The following MSH4 variants were observed in gnomAD, a reference collection of about 807,000 sequenced individuals.
MSH4 encodes the protein mutS homolog 4.
In MSH4, 106 loss-of-function variants were observed where a neutral mutation model predicts 113.7. The ratio of observed to expected loss-of-function variants is 0.93; its 90% confidence interval spans 0.80 to 1.10. MSH4 has a LOEUF of 1.10. MSH4 is among the 50% of genes least tolerant of loss of function. MSH4 has a pLI of 0.00. For synonymous variants in MSH4, 368 were observed against 380.2 expected (o/e 0.97, Z 0.37); for missense variants, 1,061 against 1,093.7 (o/e 0.97, Z 0.42).
intron 4 of MSH4, 125 bp downstream of exon 4, chr1:75,810,932 C>T (rs796525652): frequency 6.8e-6 from 3 of 438,926 alleles, no homozygotes; most frequent in East Asian, 9.0e-5. Flanking sequence ...AGTGAAAGGG[C>T]GTGATCTCGG....
chr1:75,880,047 C>G lies in MSH4; in HGVS notation c.1678-3C>G. ...TGACATTTGTTTTTTAATCTCCAAG[C>G]AGATTTCTAAAGTGAAAAATTCTTA... On this transcript the variant is annotated splice_polypyrimidine_tract_variant and splice_region_variant and intron_variant, in intron 12 of 19. Transcript: ENST00000263187. 1.4e-6 allele frequency: 2 copies of G among 1,458,732 alleles called. No homozygotes were observed. Among genetic ancestry groups the G allele is most frequent in the Middle Eastern group, 1.8e-4 (1 of 5,700 alleles). The allele number at this position is 1,458,732 out of a possible 1,614,324, so 90.4% of individuals were successfully genotyped here. A position where few individuals can be genotyped will look rare whatever the true frequency, so the allele number is the denominator to read the frequency against.
chr1:75,832,216 C>G (rs1465541641), intron 7 of MSH4, among the ~76,000 whole-genome samples: 3 of 152,134 alleles, frequency 2.0e-5, no homozygotes, highest in Non-Finnish European at 1.5e-5. Flanking sequence ...GAGACATACA[C>G]CCTCCCAAGA....
At chr1:75,813,222 G>A (rs965076479) in intron 4 of MSH4, among the ~76,000 whole-genome samples, 2 of 152,146 alleles carry the variant, frequency 1.3e-5, no homozygotes, top group African/African-American at 4.8e-5. Context: ...ACACGTTAGA[G>A]TAATCACTAT....
At chr1:75,867,725 TACATAC>T in intron 9 of MSH4, 137 bp downstream of exon 9, 2 of 602,326 alleles carry the variant, frequency 3.3e-6, no homozygotes, top group Non-Finnish European at 5.8e-6. Context: ...GTACATACTT[TACATAC>T]ACATACACAT....
intron 13 of MSH4, among the ~76,000 whole-genome samples, chr1:75,880,826 A>G (rs564947754): frequency 1.3e-5 from 2 of 152,006 alleles, no homozygotes; most frequent in Non-Finnish European, 2.9e-5. Context: ...GAAAGAAAAA[A>G]TGGATGAGAG....
intron 7 of MSH4, among the ~76,000 whole-genome samples, chr1:75,827,028 C>T (rs1650568681): frequency 6.6e-6 from 1 of 151,994 alleles, no homozygotes; most frequent in South Asian, 2.1e-4. Flanking sequence ...TTTTCTGTCT[C>T]ATTATTGTCA....
At chr1:75,877,699 G>A (rs899146207) in intron 10 of MSH4, among the ~76,000 whole-genome samples, 1 of 152,194 alleles carries the variant, frequency 6.6e-6, no homozygotes, top group Non-Finnish European at 1.5e-5. Flanking sequence ...GTCTACATAT[G>A]TGTTTAGTGT....
intron 7 of MSH4, among the ~76,000 whole-genome samples, chr1:75,842,835 G>A (rs944558293): frequency 1.1e-4 from 16 of 152,232 alleles, no homozygotes; most frequent in African/African-American, 2.6e-4. Flanking sequence ...CCCCAGGGGA[G>A]TTTAGAGAAG....
chr1:75,800,733 G>A (rs1245351268), intron 1 of MSH4, among the ~76,000 whole-genome samples: 1 of 152,132 alleles, frequency 6.6e-6, no homozygotes, highest in Non-Finnish European at 1.5e-5. Flanking sequence ...AATTAATTTT[G>A]AGGGAAAGAT....
chr1:75,874,487 T>A (rs1336826061), intron 9 of MSH4, among the ~76,000 whole-genome samples: 1 of 152,122 alleles, frequency 6.6e-6, no homozygotes, highest in Non-Finnish European at 1.5e-5. Flanking sequence ...TATGCCCAGA[T>A]AATTTTTTAA....
chr1:75,846,547 T>A (rs1651081764), intron 7 of MSH4, among the ~76,000 whole-genome samples: 1 of 152,316 alleles, frequency 6.6e-6, no homozygotes, highest in East Asian at 1.9e-4. Flanking sequence ...GCCAAGTTCT[T>A]TTCAACTGTA....
At chr1:75,823,074 G>C (rs1421295421) in intron 7 of MSH4, among the ~76,000 whole-genome samples, 1 of 152,164 alleles carries the variant, frequency 6.6e-6, no homozygotes, top group African/African-American at 2.4e-5. Context: ...ACCTATAGGG[G>C]AGAATCCTTT....
At chr1:75,869,882 G>A (rs1195494010) in intron 9 of MSH4, among the ~76,000 whole-genome samples, 2 of 152,210 alleles carry the variant, frequency 1.3e-5, no homozygotes, top group African/African-American at 4.8e-5. Context: ...GCATTGCCTA[G>A]TGGATCTGTG....
chr1:75,908,504 T>G (rs796727546), intron 19 of MSH4, among the ~76,000 whole-genome samples: 180 of 152,290 alleles, frequency 1.2e-3, no homozygotes, highest in African/African-American at 4.1e-3. Flanking sequence ...TTTTCTGTGC[T>G]GTTTTAGAGT....
Position 75,833,274 on chromosome 1 carries a change from C to T in MSH4, c.1162+10693C>T, listed in dbSNP as rs112309142. Among the ~76,000 whole-genome samples, 359 of 152,098 alleles carry T rather than the reference C, an allele frequency of 2.4e-3. 1 individual carries two copies. The highest frequency in any genetic ancestry group is 8.3e-3 in the African/African-American group (345 of 41,510). ...AGTAGAACTACAAACCACTGCTCAA[C>T]GAAATAAAAGAGGACACAAACAAAT... On this transcript the variant is annotated intron_variant, in intron 7 of 19. Coordinates refer to ENST00000263187, the MANE Select transcript of MSH4 (RefSeq NM_002440.4).
At chr1:75,862,421 G>A (rs1474412322) in intron 8 of MSH4, among the ~76,000 whole-genome samples, 1 of 152,302 alleles carries the variant, frequency 6.6e-6, no homozygotes, top group Non-Finnish European at 1.5e-5. Context: ...TCTTGGAAGC[G>A]TGGTCCACTT....
chr1:75,829,894 G>C (rs978557588), intron 7 of MSH4, among the ~76,000 whole-genome samples: 1 of 152,112 alleles, frequency 6.6e-6, no homozygotes, highest in Non-Finnish European at 1.5e-5. Context: ...TCCTCCAAAG[G>C]AACGCAGCTC....
At chr1:75,846,796 A>G (rs1651086315) in intron 7 of MSH4, among the ~76,000 whole-genome samples, 1 of 152,168 alleles carries the variant, frequency 6.6e-6, no homozygotes, top group South Asian at 2.1e-4. Flanking sequence ...CTGCTCCTCC[A>G]AATTCTTCCA....
intron 9 of MSH4, among the ~76,000 whole-genome samples, chr1:75,870,120 T>C (rs758436548): frequency 6.6e-6 from 1 of 152,200 alleles, no homozygotes; most frequent in African/African-American, 2.4e-5. Flanking sequence ...GGAGATCATT[T>C]TGGAGCTTTT....
Sources: gnomAD v4.1 joint callset for allele counts (sites outside exome capture counted in the v4.1 genomes callset) on GRCh38, gnomAD v4.1.1 for gene constraint, MANE v1.5 for transcripts, NCBI Gene and HGNC (gene_info 2026-07-23, HGNC 2026-07-21) for gene names.